SMARCA4: variants seen among roughly 807,000 people sequenced by gnomAD.
The protein encoded by SMARCA4 is SWI/SNF-related matrix-associated actin-dependent regulator of chromatin subfamily A member 4.
In SMARCA4, 31 loss-of-function variants were observed where a neutral mutation model predicts 193.9. The ratio of observed to expected loss-of-function variants is 0.16; its 90% CI spans 0.12 to 0.22. The LOEUF (loss-of-function observed/expected upper bound fraction) is 0.22, where lower values mean the gene tolerates loss of function less well. Ranked by LOEUF, SMARCA4 falls within the 10% of genes least tolerant of loss-of-function variation. SMARCA4 has a pLI of 1.00. For synonymous variants in SMARCA4, 942 were observed against 933.1 expected (o/e 1.01, Z -0.17); for missense variants, 1,148 against 2,296.0 (o/e 0.50, Z 10.22).
At chr19:11,020,118 C>G (rs2089728113) in intron 18 of SMARCA4, among the ~76,000 whole-genome samples, 1 of 152,224 alleles carries the variant, frequency 6.6e-6, no homozygotes, top group African/African-American at 2.4e-5. Flanking sequence ...GGCTGAGATT[C>G]AGCATGTGGG....
chr19:10,989,524 C>T (rs1017668760), intron 7 of SMARCA4, 81 bp downstream of exon 7: 3 of 1,542,598 alleles, frequency 1.9e-6, no homozygotes, highest in Non-Finnish European at 2.7e-6. Flanking sequence ...TACGGCTTGC[C>T]TGGCTAGTAT....
chr19:11,029,617 G>A (rs534651905), intron 24 of SMARCA4, among the ~76,000 whole-genome samples: 1 of 152,370 alleles, frequency 6.6e-6, no homozygotes, highest in South Asian at 2.1e-4. Flanking sequence ...AGGCTACTGT[G>A]GGCTTCTGCA....
At chr19:10,975,981 C>T (rs1432620385) in intron 1 of SMARCA4, among the ~76,000 whole-genome samples, 1 of 152,152 alleles carries the variant, frequency 6.6e-6, no homozygotes, top group Non-Finnish European at 1.5e-5. Flanking sequence ...ATCCCCTCAT[C>T]CTTTGCTTTT....
chr19:11,024,570 T>A, intron 21 of SMARCA4, 132 bp downstream of exon 21: 2 of 705,862 alleles, frequency 2.8e-6, no homozygotes, highest in Admixed American at 4.0e-5. Context: ...TGGCCAGCCC[T>A]GGTTATGATG....
At position 10,992,113 on chromosome 19, in the gene SMARCA4, C is replaced by CT. The variant is rs545950698; in HGVS notation, c.1419+806dup. On this transcript the variant is annotated intron_variant, in intron 8 of 34. Coordinates refer to ENST00000344626, the MANE Select transcript of SMARCA4 (RefSeq NM_003072.5). ...CAGTCAACACAGCAATCTCTGTTAACTTTTTTTTTTTTTTTTGAGATGGAG... is the reference window on the plus strand; with the variant it reads ...CAGTCAACACAGCAATCTCTGTTAACTTTTTTTTTTTTTTTTTGAGATGGAG... 3.7e-3 allele frequency among the ~76,000 whole-genome samples: 520 copies of CT among 142,050 alleles called. 1 individual carries two copies. The highest frequency in any genetic ancestry group is 5.1e-3 in the Admixed American group (72 of 14,064). The allele number at this position is 142,050 out of a possible 152,430, so 93.2% of individuals were successfully genotyped here. A position where few individuals can be genotyped will look rare whatever the true frequency, so the allele number is the denominator to read the frequency against.
chr19:11,034,049 C>A lies in SMARCA4; in HGVS notation c.3874-74C>A. 8.5e-7 allele frequency: 1 copy of A among 1,178,356 alleles called. No homozygotes were observed. Among genetic ancestry groups the A allele is most frequent in the Non-Finnish European group, 1.3e-6 (1 of 784,806 alleles). 73.0% of individuals were successfully genotyped at this position (1,178,356 alleles called of 1,614,324 possible). A position where few individuals can be genotyped will look rare whatever the true frequency, so the allele number is the denominator to read the frequency against. On this transcript the variant is annotated intron_variant, in intron 27 of 34. Coordinates refer to ENST00000344626, the MANE Select transcript of SMARCA4 (RefSeq NM_003072.5). The surrounding 1 kb of genome is among the most constrained non-coding windows in gnomAD (Gnocchi z 7.0). ...CACCAGCTCATTCCCACGGACGCCG[C>A]CGCTCGCCTCTGAGCTCGGCCGCCG...
intron 14 of SMARCA4, chr19:11,008,240 C>G (rs1255942202): frequency 5.9e-6 from 3 of 507,838 alleles, no homozygotes; most frequent in Non-Finnish European, 3.8e-6. Context: ...CATATGCTTA[C>G]GAGGTACAGT....
intron 12 of SMARCA4, 64 bp from the exon 13 acceptor site, chr19:11,003,276 G>GT: frequency 6.2e-7 from 1 of 1,605,920 alleles, no homozygotes; most frequent in African/African-American, 1.3e-5. Flanking sequence ...GGCAGGTTTG[G>GT]TAGGGAAAGT....
intron 20 of SMARCA4, 33 bp from the exon 21 acceptor site, chr19:11,024,298 T>G: frequency 6.7e-7 from 1 of 1,501,494 alleles, no homozygotes; most frequent in Non-Finnish European, 9.3e-7. Flanking sequence ...CAAGCCACCT[T>G]GGGCCCTCGT....
At chr19:10,976,753 C>CAAAA (rs79633492) in intron 1 of SMARCA4, among the ~76,000 whole-genome samples, 11 of 125,298 alleles carry the variant, frequency 8.8e-5, no homozygotes, top group Admixed American at 2.5e-4. Context: ...GACCCTGTCT[C>CAAAA]AAAAAAAAAA....
intron 7 of SMARCA4, among the ~76,000 whole-genome samples, chr19:10,989,666 AG>A (rs2086380974): frequency 6.6e-6 from 1 of 151,244 alleles, no homozygotes; most frequent in Non-Finnish European, 1.5e-5. Context: ...GCCGCCTCAA[AG>A]CAGACTTGTA....
chr19:11,059,806 A>G lies in SMARCA4; in HGVS notation c.4689A>G (p.Lys1563=), dbSNP rs779314653. ...CGGTCTTCACCAGCGTGCGGCAGAA[A>G]ATCGAGAAGGAGGATGACAGTGAAG... ...LQSVFTSVRQ[K]IEKEDDSEGE... The change falls in exon 33 of 35, where the codon AAA becomes AAG. Residue 1563 remains lysine, a synonymous_variant. Transcript: ENST00000344626. The G allele has an allele frequency of 1.9e-6, 3 of 1,611,478 alleles. No homozygotes were observed. In the East Asian group the frequency reaches 6.7e-5, roughly 36 times the overall value.
chr19:11,025,390 C>A (rs2146494314), intron 21 of SMARCA4, 32 bp from the exon 22 acceptor site: 5 of 1,511,868 alleles, frequency 3.3e-6, no homozygotes, highest in Non-Finnish European at 4.6e-6. Flanking sequence ...GAGGGCAAGA[C>A]CCCATTTGGG....
In SMARCA4 at chr19:11,058,701, G is replaced by C. The variant is rs905279956; in HGVS notation, c.4534-87G>C. The C allele has an allele frequency of 1.1e-4, 130 of 1,140,744 alleles. No individual in the cohort carries two copies. The highest frequency in any genetic ancestry group is 3.6e-5 in the Non-Finnish European group (27 of 756,330). The allele number at this position is 1,140,744 out of a possible 1,614,324, so 70.7% of individuals were successfully genotyped here. A position where few individuals can be genotyped will look rare whatever the true frequency, so the allele number is the denominator to read the frequency against. ...ATCCTCATAGGCACGAGGAATCCTA[G>C]CCCGTGGGGTCTCCAGCACACAGCC... On this transcript the variant is annotated intron_variant, in intron 31 of 34. Transcript: ENST00000344626. The surrounding 1 kb of genome is among the most constrained non-coding windows in gnomAD (Gnocchi z 5.8).
intron 13 of SMARCA4, among the ~76,000 whole-genome samples, chr19:11,007,030 C>T (rs895426090): frequency 1.5e-4 from 23 of 151,962 alleles, no homozygotes; most frequent in Non-Finnish European, 2.5e-4. Context: ...GAGGTAGCAG[C>T]GAGCTGAGAT....
At position 10,984,442 on chromosome 19, in the gene SMARCA4, C is replaced by T. The variant is rs879197601; in HGVS notation, c.222+69C>T. 7.7e-6 allele frequency: 12 copies of T among 1,549,052 alleles called. No individual in the cohort carries two copies. Among genetic ancestry groups the T allele is most frequent in the Admixed American group, 2.0e-5 (1 of 51,018 alleles). ...CTAGGGCTGCAGGCAGCCTCTGGACCGAGGGCCTTACTTGGAGGATGGGGG... is the reference window on the plus strand; with the variant it reads ...CTAGGGCTGCAGGCAGCCTCTGGACTGAGGGCCTTACTTGGAGGATGGGGG... On this transcript the variant is annotated intron_variant, in intron 2 of 34. Transcript: ENST00000344626. The surrounding 1 kb of genome is among the most constrained non-coding windows in gnomAD (Gnocchi z 4.3).
rs1406879478 is a variant in SMARCA4, at chr19:10,984,978, C to G, written c.223-295C>G. Among the ~76,000 whole-genome samples, 1 of 152,190 alleles carries G rather than the reference C, an allele frequency of 6.6e-6. No individual in the cohort carries two copies. Among genetic ancestry groups the G allele is most frequent in the Non-Finnish European group, 1.5e-5 (1 of 68,026 alleles). On this transcript the variant is annotated intron_variant, in intron 2 of 34. Transcript: ENST00000344626. The surrounding 1 kb of genome is among the most constrained non-coding windows in gnomAD (Gnocchi z 4.3). ...TATTAGCATCCATGAGAAAAGGTGA[C>G]ATTTCTAAGTGTCACGGGCCACAGG...
intron 32 of SMARCA4, chr19:11,059,186 A>G (rs2076716994): frequency 1.3e-5 from 5 of 376,366 alleles, no homozygotes; most frequent in South Asian, 1.1e-4. Context: ...GTATTTACCG[A>G]AGAAAATAAA....
intron 11 of SMARCA4, among the ~76,000 whole-genome samples, chr19:10,996,774 T>C (rs143377690): frequency 2.6e-5 from 4 of 152,338 alleles, no homozygotes; most frequent in African/African-American, 9.6e-5. Flanking sequence ...TTTCAGGTTT[T>C]ACTTTGTTGT....
Sources: allele counts gnomAD v4.1 joint callset (sites outside exome capture counted in the v4.1 genomes callset), GRCh38; gene constraint gnomAD v4.1.1; non-coding constraint Gnocchi (gnomAD v3.1); transcripts MANE v1.5; gene names NCBI Gene and HGNC (gene_info 2026-07-23, HGNC 2026-07-21).